The following C8orf34 variants were observed in gnomAD, a reference collection of about 807,000 sequenced individuals.
C8orf34 encodes the protein chromosome 8 open reading frame 34.
C8orf34 carries 65 observed loss-of-function variants against 68.3 expected under a neutral mutation model. The observed-to-expected ratio is 0.95, with a 90% CI of 0.78 to 1.17. The LOEUF is 1.17. C8orf34 is among the 50% of genes most tolerant of loss of function. C8orf34 has a pLI of 0.00. For synonymous variants in C8orf34, 244 were observed against 241.2 expected (o/e 1.01, Z -0.11); for missense variants, 664 against 655.4 (o/e 1.01, Z -0.14).
chr8:68,356,565 A>T (rs575534529), intron 1 of C8orf34, among the ~76,000 whole-genome samples: 2 of 152,270 alleles, frequency 1.3e-5, no homozygotes, highest in East Asian at 3.9e-4. Context: ...TATTTAAATT[A>T]TGATTTAGAT....
intron 6 of C8orf34, among the ~76,000 whole-genome samples, chr8:68,527,103 A>T (rs1815030650): frequency 6.6e-6 from 1 of 152,176 alleles, no homozygotes; most frequent in African/African-American, 2.4e-5. Context: ...CTTTCTCATC[A>T]GGCCTCTTTT....
chr8:68,436,962 T>C (rs1170734892), intron 1 of C8orf34, among the ~76,000 whole-genome samples: 2 of 152,156 alleles, frequency 1.3e-5, no homozygotes, highest in Non-Finnish European at 2.9e-5. Flanking sequence ...ATCATTCAAG[T>C]CCAGCAGATA....
In C8orf34 at chr8:68,721,441, A is replaced by G. The variant is rs550884205; in HGVS notation, c.1404+4A>G. 6.3e-7 allele frequency: 1 copy of G among 1,590,978 alleles called. No individual in the cohort carries two copies. The highest frequency in any genetic ancestry group is 1.3e-5 in the African/African-American group (1 of 74,442). On this transcript the variant is annotated splice_donor_region_variant and intron_variant, in intron 10 of 13. Transcript: ENST00000518698. ...AGCATCTAAACTAACAGGACCTGTA[A>G]GTATATTCATTGACTTATTTTTTTT...
At chr8:68,497,604 A>T (rs561062435) in intron 5 of C8orf34, among the ~76,000 whole-genome samples, 1 of 152,198 alleles carries the variant, frequency 6.6e-6, no homozygotes, top group Non-Finnish European at 1.5e-5. Flanking sequence ...GAGTAGAAAA[A>T]CCAAAATGTC....
rs190190943 is a variant in C8orf34, at chr8:68,445,588, T to G, written c.476-741T>G. ...AAGTAACAATGTTGGTTGATTTAAA[T>G]TTATCTTTCTTGCAAGAGAAGATAA... On this transcript the variant is annotated intron_variant, in intron 2 of 13. Coordinates refer to ENST00000518698, the MANE Select transcript of C8orf34 (RefSeq NM_052958.4). Among the ~76,000 whole-genome samples, 328 of 152,276 alleles carry G rather than the reference T, an allele frequency of 2.2e-3. 1 individual carries two copies. Among genetic ancestry groups the G allele is most frequent in the African/African-American group, 7.1e-3 (295 of 41,562 alleles).
chr8:68,453,682 G>C (rs1323686355), intron 3 of C8orf34, among the ~76,000 whole-genome samples: 5 of 151,818 alleles, frequency 3.3e-5, no homozygotes, highest in African/African-American at 1.2e-4. Flanking sequence ...AATTCTTTAG[G>C]ACTCTCAAAA....
At chr8:68,527,279 A>G (rs958261303) in intron 6 of C8orf34, among the ~76,000 whole-genome samples, 3 of 152,156 alleles carry the variant, frequency 2.0e-5, no homozygotes, top group Admixed American at 6.5e-5. Context: ...TGAAAACACT[A>G]TTATTCAGAA....
intron 6 of C8orf34, among the ~76,000 whole-genome samples, chr8:68,528,503 C>T (rs1308073561): frequency 1.3e-5 from 2 of 152,156 alleles, no homozygotes; most frequent in Non-Finnish European, 2.9e-5. Flanking sequence ...GATATGCCCT[C>T]AAGTCTTCTG....
intron 7 of C8orf34, among the ~76,000 whole-genome samples, chr8:68,592,362 A>G (rs1259224256): frequency 2.0e-5 from 3 of 151,942 alleles, no homozygotes; most frequent in Non-Finnish European, 4.4e-5. Context: ...GGGCTTTTTC[A>G]TTAGGTTAAT....
intron 13 of C8orf34, 141 bp downstream of exon 13, chr8:68,816,086 G>C: frequency 7.4e-7 from 1 of 1,351,084 alleles, no homozygotes; most frequent in Non-Finnish European, 1.0e-6. Flanking sequence ...TCCTGCATAA[G>C]ATTATAAGAT....
chr8:68,624,795 G>A (rs1237684298), intron 7 of C8orf34, among the ~76,000 whole-genome samples: 1 of 152,018 alleles, frequency 6.6e-6, no homozygotes, highest in Non-Finnish European at 1.5e-5. Context: ...AAATGCAATG[G>A]CACGATCACA....
At chr8:68,372,729 C>T (rs1215394171) in intron 1 of C8orf34, among the ~76,000 whole-genome samples, 1 of 152,138 alleles carries the variant, frequency 6.6e-6, no homozygotes, top group East Asian at 1.9e-4. Flanking sequence ...TTAAGTATTT[C>T]TCCTAATGCT....
chr8:68,512,108 A>G (rs1432026133), intron 5 of C8orf34, among the ~76,000 whole-genome samples: 1 of 152,254 alleles, frequency 6.6e-6, no homozygotes, highest in African/African-American at 2.4e-5. Flanking sequence ...GGATTAAAAC[A>G]AGACAATAAT....
chr8:68,492,352 C>CT (rs1347449554), intron 5 of C8orf34, among the ~76,000 whole-genome samples: 1 of 152,146 alleles, frequency 6.6e-6, no homozygotes, highest in African/African-American at 2.4e-5. Flanking sequence ...ACCTCAGCCT[C>CT]TTGAGTAGCT....
intron 10 of C8orf34, among the ~76,000 whole-genome samples, chr8:68,758,972 A>G (rs1353432957): frequency 6.6e-6 from 1 of 152,148 alleles, no homozygotes; most frequent in Non-Finnish European, 1.5e-5. Flanking sequence ...CAATTATGAT[A>G]AAGATAAGAA....
chr8:68,806,875 A>T (rs944606181), intron 12 of C8orf34, among the ~76,000 whole-genome samples: 1 of 152,190 alleles, frequency 6.6e-6, no homozygotes, highest in Non-Finnish European at 1.5e-5. Context: ...GCGGGGCTCA[A>T]CAAGGAGGCT....
chr8:68,428,587 G>GA (rs1264699760), intron 1 of C8orf34, among the ~76,000 whole-genome samples: 4 of 151,668 alleles, frequency 2.6e-5, no homozygotes, highest in Non-Finnish European at 5.9e-5. Context: ...AGAGAAAACA[G>GA]AAAAAATTTC....
chr8:68,749,294 G>A (rs951741222), intron 10 of C8orf34, among the ~76,000 whole-genome samples: 69 of 150,350 alleles, frequency 4.6e-4, no homozygotes, highest in African/African-American at 1.7e-3. Flanking sequence ...GCGAGATGAC[G>A]AGTTAGAGGG....
intron 9 of C8orf34, among the ~76,000 whole-genome samples, chr8:68,715,153 G>A (rs1821434409): frequency 6.6e-6 from 1 of 152,012 alleles, no homozygotes; most frequent in Non-Finnish European, 1.5e-5. Flanking sequence ...TTAAATCTAA[G>A]ACCTGAAACC....
Sources: gnomAD v4.1 joint callset for allele counts (sites outside exome capture counted in the v4.1 genomes callset) on GRCh38, gnomAD v4.1.1 for gene constraint, MANE v1.5 for transcripts, NCBI Gene and HGNC (gene_info 2026-07-23, HGNC 2026-07-21) for gene names.